Variants in COBL observed in about 807,000 individuals in gnomAD.
COBL encodes the protein cordon-bleu WH2 repeat protein, also known as protein cordon-bleu.
Under a neutral mutation model 98.8 loss-of-function variants are expected in COBL, and 51 were observed. That is an observed-to-expected ratio of 0.52 (90% CI 0.41 to 0.65). The LOEUF (loss-of-function observed/expected upper bound fraction) is 0.65. Ranked by LOEUF, COBL falls within the 30% of genes least tolerant of loss-of-function variation. The pLI, the probability that COBL is intolerant of heterozygous loss-of-function variation, is 0.00. For missense variants in COBL, 1,617 were observed against 1,617.5 expected, an observed-to-expected ratio of 1.00 and a Z score of 0.01; for synonymous variants, 634 against 651.7, an observed-to-expected ratio of 0.97 and a Z score of 0.41.
intron 12 of COBL, 62 bp from the exon 13 acceptor site, chr7:51,017,630 TG>T: frequency 1.3e-6 from 2 of 1,568,430 alleles, no homozygotes; most frequent in Non-Finnish European, 1.8e-6. Context: ...GCAGATCTTC[TG>T]GTGCTAGAGA....
intron 5 of COBL, among the ~76,000 whole-genome samples, chr7:51,139,624 G>A (rs1041712386): frequency 7.2e-5 from 11 of 152,306 alleles, no homozygotes; most frequent in African/African-American, 2.6e-4. Flanking sequence ...ACTCAACAGT[G>A]TTTCTCAACC....
At chr7:51,217,835 T>C (rs2129085519) in intron 2 of COBL, among the ~76,000 whole-genome samples, 1 of 152,236 alleles carries the variant, frequency 6.6e-6, no homozygotes, top group East Asian at 1.9e-4. Context: ...CTATGACTAC[T>C]TTATAAAACA....
chr7:51,019,680 A>G (rs1307816473), intron 12 of COBL, among the ~76,000 whole-genome samples: 2 of 152,194 alleles, frequency 1.3e-5, no homozygotes, highest in African/African-American at 4.8e-5. Flanking sequence ...TAGAGCTGCA[A>G]TAAGCAGAAC....
At chr7:51,261,223 C>G (rs937724573) in intron 1 of COBL, among the ~76,000 whole-genome samples, 2 of 152,236 alleles carry the variant, frequency 1.3e-5, no homozygotes, top group Admixed American at 1.3e-4. Flanking sequence ...TCCAAAACGG[C>G]AGCCTTTGGC....
Position 51,028,344 on chromosome 7 carries a change from G to C in COBL, c.2752C>G (p.Pro918Ala). ...TTCCATCCTTGTGTCTCTGAGTGTG[G>C]GCTGGATGTCCTGTCATCTTTCACA... ...VTVKDDRTSS[P>A]HSETQGWKDG... Residue 918 changes from proline to alanine, a missense_variant, in exon 10 of 13, where the codon CCA becomes GCA. By Grantham distance (27) the Pro-to-Ala change is conservative. Around this residue, in one of 3 missense-constraint regions of COBL, gnomAD observed 1,304 missense variants for 1,282.0 expected, o/e 1.02. Coordinates refer to ENST00000265136, the MANE Select transcript of COBL (RefSeq NM_015198.5). 6.2e-7 allele frequency: 1 copy of C among 1,614,250 alleles called. No individual in the cohort carries two copies. The highest frequency in any genetic ancestry group is 2.2e-5 in the East Asian group (1 of 44,888).
chr7:51,103,558 C>T (rs943973446), intron 6 of COBL, among the ~76,000 whole-genome samples: 9 of 152,202 alleles, frequency 5.9e-5, no homozygotes, highest in African/African-American at 1.4e-4. Flanking sequence ...TTTTAAAATT[C>T]GTACTATTTT....
intron 6 of COBL, among the ~76,000 whole-genome samples, chr7:51,133,660 G>C (rs1798957164): frequency 1.3e-5 from 2 of 152,196 alleles, no homozygotes; most frequent in South Asian, 4.1e-4. Flanking sequence ...ATTCTGGTCT[G>C]AAGTTTCCAC....
At chr7:51,062,267 G>GTCTCTCTCTCTCTCTC (rs146409423) in intron 7 of COBL, among the ~76,000 whole-genome samples, 1 of 149,060 alleles carries the variant, frequency 6.7e-6, no homozygotes, top group African/African-American at 2.5e-5. Context: ...AACAGTTCAT[G>GTCTCTCTCTCTCTCTC]TCTCTCTCTC....
At chr7:51,107,243 C>T (rs867602529) in intron 6 of COBL, among the ~76,000 whole-genome samples, 4 of 151,708 alleles carry the variant, frequency 2.6e-5, no homozygotes, top group South Asian at 2.1e-4. Context: ...TACAGGCGCA[C>T]GCCACCATGC....
At chr7:51,102,760 T>C (rs1164235210) in intron 6 of COBL, among the ~76,000 whole-genome samples, 1 of 152,226 alleles carries the variant, frequency 6.6e-6, no homozygotes, top group Non-Finnish European at 1.5e-5. Context: ...TGTTGATTTG[T>C]TCATTCATTC....
chr7:51,030,750 T>C, intron 9 of COBL, 62 bp downstream of exon 9: 1 of 1,033,674 alleles, frequency 9.7e-7, no homozygotes, highest in Admixed American at 1.9e-5. Flanking sequence ...TCAGAGGAAG[T>C]TACTGTTGGC....
In COBL at chr7:51,102,897, G is replaced by A. The variant is rs139233470; in HGVS notation, c.958-17593C>T. The stretch of plus-strand genomic sequence containing the variant: ...AAGAGTGGAAAGGTGGTTGCCAGGC[G>A]ATGAGGGGAAGAGGGAAATGGGAGT... On this transcript the variant is annotated intron_variant, in intron 6 of 12. Coordinates refer to ENST00000265136, the MANE Select transcript of COBL (RefSeq NM_015198.5). Among the ~76,000 whole-genome samples the A allele has an allele frequency of 2.8e-3, 420 of 152,300 alleles. 5 individuals are homozygous for A. The highest frequency in any genetic ancestry group is 9.7e-3 in the African/African-American group (405 of 41,566).
At position 51,283,295 on chromosome 7, in the gene COBL, A is replaced by G. The variant is rs564251168; in HGVS notation, c.41+33298T>C. 3.3e-5 allele frequency among the ~76,000 whole-genome samples: 5 copies of G among 152,318 alleles called. No individual in the cohort carries two copies. The South Asian group carries it at 6.2e-4, about 19-fold the overall frequency. ...ACTAACATGAGGAATAAAAAAGAAG[A>G]TATCACTACAGAGACCACAGACAAT... On this transcript the variant is annotated intron_variant, in intron 1 of 12. Coordinates refer to ENST00000265136, the MANE Select transcript of COBL (RefSeq NM_015198.5).
At chr7:51,229,652 T>A (rs2129102487) in intron 1 of COBL, among the ~76,000 whole-genome samples, 1 of 152,336 alleles carries the variant, frequency 6.6e-6, no homozygotes, top group African/African-American at 2.4e-5. Flanking sequence ...TCAGGCATGA[T>A]TTAGTACATT....
intron 6 of COBL, among the ~76,000 whole-genome samples, chr7:51,126,429 G>A (rs138966927): frequency 6.6e-4 from 100 of 152,316 alleles, no homozygotes; most frequent in African/African-American, 2.4e-3. Context: ...TCATGCTTCT[G>A]TTAGGACAGG....
chr7:51,082,981 G>A (rs941785863), intron 7 of COBL: 1 of 1,398,644 alleles, frequency 7.1e-7, no homozygotes, highest in Non-Finnish European at 9.8e-7. Context: ...TGGAAAATCT[G>A]GAAACCCAGC....
intron 5 of COBL, among the ~76,000 whole-genome samples, chr7:51,174,412 AAAGAT>A (rs1254052389): frequency 6.6e-6 from 1 of 152,236 alleles, no homozygotes; most frequent in Non-Finnish European, 1.5e-5. Flanking sequence ...ATTATCCAAT[AAAGAT>A]AAGACTGAAG....
At chr7:51,126,198 T>C (rs1798189599) in intron 6 of COBL, among the ~76,000 whole-genome samples, 1 of 152,118 alleles carries the variant, frequency 6.6e-6, no homozygotes, top group Admixed American at 6.6e-5. Flanking sequence ...CGTGGTAGCA[T>C]GCGCCTGCAA....
chr7:51,200,677 C>T (rs559093717), intron 2 of COBL, among the ~76,000 whole-genome samples: 14 of 151,972 alleles, frequency 9.2e-5, no homozygotes, highest in East Asian at 3.9e-4. Context: ...TACACTGCTA[C>T]GATAATCAAA....
Sources: allele counts gnomAD v4.1 joint callset (sites outside exome capture counted in the v4.1 genomes callset), GRCh38; gene constraint gnomAD v4.1.1; regional missense constraint gnomAD v4.1.1; transcripts MANE v1.5; gene names NCBI Gene and HGNC (gene_info 2026-07-23, HGNC 2026-07-21).